FAAP24: variants seen among roughly 807,000 people sequenced by gnomAD.
FAAP24 encodes the protein FA core complex associated protein 24, also known as Fanconi anemia core complex-associated protein 24.
Under a neutral mutation model 14.3 loss-of-function variants are expected in FAAP24, and 16 were observed. The observed-to-expected ratio is 1.12, with a 90% confidence interval of 0.76 to 1.69. FAAP24 has a LOEUF of 1.69. Among genes scored for constraint, FAAP24 ranks in the 40% most tolerant of loss-of-function variants. The pLI, the probability that FAAP24 is intolerant of heterozygous loss-of-function variation, is 0.00. For missense variants in FAAP24, 234 were observed against 262.7 expected (o/e 0.89, Z 0.75); for synonymous variants, 111 against 106.2 (o/e 1.04, Z -0.28).
Position 32,973,321 on chromosome 19 carries a change from G to T in FAAP24, c.106+19G>T, listed in dbSNP as rs751459842. 6.2e-7 allele frequency: 1 copy of T among 1,612,742 alleles called. No homozygotes were observed. The highest frequency in any genetic ancestry group is 2.2e-5 in the East Asian group (1 of 44,852). On this transcript the variant is annotated intron_variant, in intron 2 of 4. Coordinates refer to ENST00000588258, the MANE Select transcript of FAAP24 (RefSeq NM_152266.5). ...ATGCAAGGTCGGTGGCCTGCCCTCT[G>T]CCAGCCCTTTCCTCCCCTGACATAT...
In FAAP24 at chr19:32,976,836, T is replaced by C. The variant is rs763051620; in HGVS notation, c.*154T>C. On this transcript the variant is annotated 3_prime_UTR_variant, in exon 5 of 5. Coordinates refer to ENST00000588258, the MANE Select transcript of FAAP24 (RefSeq NM_152266.5). ...GCCGAAGACAGCGGATCATCTGAGG[T>C]CAGGAGTTCAAGACCAGCCTGGCCA... 37 of 966,198 alleles carry C rather than the reference T, an allele frequency of 3.8e-5. No individual in the cohort carries two copies. Among genetic ancestry groups the C allele is most frequent in the Non-Finnish European group, 5.4e-5 (36 of 670,152 alleles). 59.9% of individuals were successfully genotyped at this position (966,198 alleles called of 1,614,324 possible).
rs547142461 is a variant in FAAP24, at chr19:32,977,660, C to T, written c.*978C>T. ...CAACGGCCGGGCATAGTGGCTCACA[C>T]CTGTAATCCCAGCACTTTGGGAGGC... On this transcript the variant is annotated 3_prime_UTR_variant, in exon 5 of 5. Coordinates refer to ENST00000588258, the MANE Select transcript of FAAP24 (RefSeq NM_152266.5). 2 of 381,718 alleles carry T rather than the reference C, an allele frequency of 5.2e-6. No homozygotes were observed. The highest frequency in any genetic ancestry group is 1.5e-4 in the South Asian group (1 of 6,872). 23.6% of individuals were successfully genotyped at this position (381,718 alleles called of 1,614,324 possible).
chr19:32,975,292 C>T (rs1384906259), intron 4 of FAAP24, among the ~76,000 whole-genome samples: 1 of 151,620 alleles, frequency 6.6e-6, no homozygotes, highest in Non-Finnish European at 1.5e-5. Context: ...GCCTCAGCCT[C>T]CCTAGTACCT....
chr19:32,976,377 A>G (rs201308491), intron 4 of FAAP24, 54 bp from the exon 5 acceptor site: 31 of 1,542,282 alleles, frequency 2.0e-5, no homozygotes, highest in Non-Finnish European at 2.7e-5. Flanking sequence ...ATTTTAAGAA[A>G]ACGGCCAGTC....
rs1479204963 is a variant in FAAP24 at position 32,976,924 on chromosome 19, C to A, written c.*242C>A. ...GGCATGGTGACAGGTGCCTGTAATC[C>A]CAGCTACTTGGGAGGCCGAGGCATG... On this transcript the variant is annotated 3_prime_UTR_variant, in exon 5 of 5. Transcript: ENST00000588258. The A allele has an allele frequency of 1.8e-6, 1 of 554,596 alleles. No individual in the cohort carries two copies. The highest frequency in any genetic ancestry group is 1.9e-5 in the African/African-American group (1 of 52,728). The allele number at this position is 554,596 out of a possible 1,614,324, so 34.4% of individuals were successfully genotyped here.
chr19:32,973,193 A>G lies in FAAP24; in HGVS notation c.-4A>G, dbSNP rs1599796505. On this transcript the variant is annotated 5_prime_UTR_variant, in exon 2 of 5. Coordinates refer to ENST00000588258, the MANE Select transcript of FAAP24 (RefSeq NM_152266.5). ...GCTTTTCCCTCCTTAGGTGGAGACCATCCATGGAAAAGAACCCCCCTGATG... is the reference window on the plus strand; with the variant it reads ...GCTTTTCCCTCCTTAGGTGGAGACCGTCCATGGAAAAGAACCCCCCTGATG... 1 of 1,612,560 alleles carries G rather than the reference A, an allele frequency of 6.2e-7. No homozygotes were observed. The highest frequency in any genetic ancestry group is 8.5e-7 in the Non-Finnish European group (1 of 1,179,852).
At position 32,976,739 on chromosome 19, in the gene FAAP24, T is replaced by A; in HGVS notation, c.*57T>A. 1 of 1,589,948 alleles carries A rather than the reference T, an allele frequency of 6.3e-7. No individual in the cohort carries two copies. The highest frequency in any genetic ancestry group is 1.1e-5 in the South Asian group (1 of 89,370). ...TGAGACCACAAACACCAGGATCTTG[T>A]TTTCAGCTTTAAAAACCAAGAGAAT... On this transcript the variant is annotated 3_prime_UTR_variant, in exon 5 of 5. Coordinates refer to ENST00000588258, the MANE Select transcript of FAAP24 (RefSeq NM_152266.5).
chr19:32,973,650 T>A, intron 3 of FAAP24, 88 bp downstream of exon 3: 1 of 1,382,836 alleles, frequency 7.2e-7, no homozygotes, highest in East Asian at 2.3e-5. Flanking sequence ...AGGTCAGTAG[T>A]TGGAGACCAG....
Position 32,977,371 on chromosome 19 carries a change from A to G in FAAP24, c.*689A>G, listed in dbSNP as rs1317702153. 6 of 398,572 alleles carry G rather than the reference A, an allele frequency of 1.5e-5. No individual in the cohort carries two copies. The highest frequency in any genetic ancestry group is 1.2e-4 in the African/African-American group (6 of 48,640). The allele number at this position is 398,572 out of a possible 1,614,324, so 24.7% of individuals were successfully genotyped here. A position where few individuals can be genotyped will look rare whatever the true frequency, so the allele number is the denominator to read the frequency against. On this transcript the variant is annotated 3_prime_UTR_variant, in exon 5 of 5. Transcript: ENST00000588258. ...GTGACCATCTGAAGGAAACAAATGT[A>G]CAAGGAAGCACTGTGTATCCTAAGC... is the stretch of plus-strand genomic sequence containing the variant.
chr19:32,973,617 G>A, intron 3 of FAAP24, 55 bp downstream of exon 3: 1 of 1,589,854 alleles, frequency 6.3e-7, no homozygotes. Flanking sequence ...CACTTTGGGA[G>A]GCCAAGGCGG....
At position 32,977,792 on chromosome 19, in the gene FAAP24, A is replaced by G. The variant is rs956497168; in HGVS notation, c.*1110A>G. Reference sequence around the variant, plus strand: ...AAATTAGCTGGGTGTGGTGGCACACACCTGTAATCCCAACTACTCAGGAGA... The same window carrying G: ...AAATTAGCTGGGTGTGGTGGCACACGCCTGTAATCCCAACTACTCAGGAGA... On this transcript the variant is annotated 3_prime_UTR_variant, in exon 5 of 5. Transcript: ENST00000588258. 5.0e-5 allele frequency: 9 copies of G among 180,690 alleles called. No individual in the cohort carries two copies. The highest frequency in any genetic ancestry group is 1.0e-4 in the Non-Finnish European group (9 of 87,380). 11.2% of individuals were successfully genotyped at this position (180,690 alleles called of 1,614,324 possible).
In FAAP24 at chr19:32,978,034, CTGCATCTAG is replaced by C. The variant is rs1270430378; in HGVS notation, c.*1355_*1363del. 1 of 152,120 alleles carries C rather than the reference CTGCATCTAG, an allele frequency of 6.6e-6. No homozygotes were observed. The highest frequency in any genetic ancestry group is 1.5e-5 in the Non-Finnish European group (1 of 68,164). The allele number at this position is 152,120 out of a possible 1,614,324, so 9.4% of individuals were successfully genotyped here. A position where few individuals can be genotyped will look rare whatever the true frequency, so the allele number is the denominator to read the frequency against. On this transcript the variant is annotated 3_prime_UTR_variant, in exon 5 of 5. Transcript: ENST00000588258. ...GGATACAAGAAAATGATGGCAGCAG[CTGCATCTAG>C]TGAGGGAAGCAGGGGCTGGGGATCA...
chr19:32,976,263 A>G (rs1458889954), intron 4 of FAAP24, among the ~76,000 whole-genome samples, 168 bp from the exon 5 acceptor site: 5 of 152,240 alleles, frequency 3.3e-5, no homozygotes, highest in Admixed American at 2.6e-4. Flanking sequence ...TCACCTTTCA[A>G]TAATTTTACT....
In FAAP24 at chr19:32,972,696, T is replaced by C. The variant is rs1052116490; in HGVS notation, c.-14+350T>C. Among the ~76,000 whole-genome samples, 3 of 149,612 alleles carry C rather than the reference T, an allele frequency of 2.0e-5. No individual in the cohort carries two copies. The Admixed American group carries it at 2.0e-4, about 10-fold the overall frequency. ...CCACCCTGGCCTTCATTCAGGCCTT[T>C]GTGTTTTCTTTTTCTTTTCTTTTTT... On this transcript the variant is annotated intron_variant, in intron 1 of 4. Transcript: ENST00000588258.
rs1468788628 is a variant in FAAP24, at chr19:32,976,725, A to ACAC, written c.*46_*48dup. Reference sequence around the variant, plus strand: ...ACGGCATCTTCTCCTGAGACCACAAACACCAGGATCTTGTTTTCAGCTTTA... The same window carrying ACAC: ...ACGGCATCTTCTCCTGAGACCACAAACACCACCAGGATCTTGTTTTCAGCTTTA... On this transcript the variant is annotated 3_prime_UTR_variant, in exon 5 of 5. Transcript: ENST00000588258. 3 of 1,600,402 alleles carry ACAC rather than the reference A, an allele frequency of 1.9e-6. No homozygotes were observed. The highest frequency in any genetic ancestry group is 2.6e-6 in the Non-Finnish European group (3 of 1,172,484).
intron 1 of FAAP24, among the ~76,000 whole-genome samples, chr19:32,972,967 C>T (rs1971458154): frequency 6.6e-6 from 1 of 152,054 alleles, no homozygotes; most frequent in African/African-American, 2.4e-5. Flanking sequence ...ACCCGCCTCG[C>T]TCGGCCTCCC....
chr19:32,976,428 C>T lies in FAAP24; in HGVS notation c.397-3C>T. The T allele has an allele frequency of 6.2e-7, 1 of 1,608,528 alleles. No individual in the cohort carries two copies. Among genetic ancestry groups the T allele is most frequent in the Non-Finnish European group, 8.5e-7 (1 of 1,176,514 alleles). On this transcript the variant is annotated splice_region_variant and splice_polypyrimidine_tract_variant and intron_variant, in intron 4 of 4. Coordinates refer to ENST00000588258, the MANE Select transcript of FAAP24 (RefSeq NM_152266.5). ...ACGTGCTGTTGCTTTCATTGTGGTTCAGGTTCAAGAGCAAACCAAAGAGCC... is the reference window on the plus strand; with the variant it reads ...ACGTGCTGTTGCTTTCATTGTGGTTTAGGTTCAAGAGCAAACCAAAGAGCC...
At chr19:32,974,898 C>T (rs967490588) in intron 4 of FAAP24, among the ~76,000 whole-genome samples, 17 of 151,118 alleles carry the variant, frequency 1.1e-4, no homozygotes, top group African/African-American at 3.2e-4. Flanking sequence ...TTTTTTGAGG[C>T]GGAGTCTCGC....
chr19:32,973,469 T>C lies in FAAP24; in HGVS notation c.150T>C (p.Phe50=), dbSNP rs758865698. The change falls in exon 3 of 5, where the codon TTT becomes TTC. Residue 50 remains phenylalanine, a synonymous_variant. Coordinates refer to ENST00000588258, the MANE Select transcript of FAAP24 (RefSeq NM_152266.5). The part of the protein sequence containing the change: ...LIFEDGLTPD[F]YLSNRCCILY... Reference sequence around the variant, plus strand: ...TCGAGGATGGCTTGACACCAGACTTTTATCTGTCGAACAGATGCTGCATTC... The same window carrying C: ...TCGAGGATGGCTTGACACCAGACTTCTATCTGTCGAACAGATGCTGCATTC... The C allele has an allele frequency of 3.7e-6, 6 of 1,614,240 alleles. No homozygotes were observed. The South Asian group carries it at 6.6e-5, about 18-fold the overall frequency.
Sources: gnomAD v4.1 joint callset for allele counts (sites outside exome capture counted in the v4.1 genomes callset) on GRCh38, gnomAD v4.1.1 for gene constraint, MANE v1.5 for transcripts, NCBI Gene and HGNC (gene_info 2026-07-23, HGNC 2026-07-21) for gene names.